Variants in DTNB observed in about 807,000 individuals in gnomAD.
DTNB encodes dystrobrevin beta.
A neutral mutation model predicts 90.7 loss-of-function variants in DTNB; 63 were observed. That is an observed-to-expected ratio of 0.69 (90% CI 0.57 to 0.86). DTNB has a LOEUF of 0.86. Among genes scored for constraint, DTNB ranks in the 40% least tolerant of loss-of-function variants. The probability of loss-of-function intolerance (pLI) is 0.00; values close to 1 mark genes in which losing one functional copy is unlikely to be tolerated. For missense variants in DTNB, 744 were observed against 807.1 expected (o/e 0.92, Z 0.95); for synonymous variants, 277 against 286.7 (o/e 0.97, Z 0.34).
At chr2:25,594,848 T>A (rs1178745111) in intron 6 of DTNB, 5 of 152,186 alleles carry the variant, frequency 3.3e-5, no homozygotes, top group African/African-American at 1.2e-4. Context: ...CGTACAAATA[T>A]CAAAATCAGG....
At chr2:25,484,095 A>C (rs2150397498) in intron 9 of DTNB, among the ~76,000 whole-genome samples, 1 of 152,268 alleles carries the variant, frequency 6.6e-6, no homozygotes, top group East Asian at 1.9e-4. Context: ...AGGCTACACC[A>C]TACGGCCTAG....
At chr2:25,520,649 T>C (rs1398369636) in intron 9 of DTNB, among the ~76,000 whole-genome samples, 2 of 152,194 alleles carry the variant, frequency 1.3e-5, no homozygotes, top group Non-Finnish European at 2.9e-5. Flanking sequence ...CATATTTGTG[T>C]TTTACCAAAA....
At chr2:25,538,386 C>CAA (rs1452541336) in intron 8 of DTNB, among the ~76,000 whole-genome samples, 4 of 152,148 alleles carry the variant, frequency 2.6e-5, no homozygotes, top group African/African-American at 4.8e-5. Flanking sequence ...GCCTAGGTGA[C>CAA]AGAGTGAGAC....
At chr2:25,665,164 A>G (rs2084122459) in intron 1 of DTNB, among the ~76,000 whole-genome samples, 1 of 152,232 alleles carries the variant, frequency 6.6e-6, no homozygotes, top group South Asian at 2.1e-4. Context: ...GTCTCTGTAC[A>G]TGCCTTTGTG....
rs553844080 is a variant in DTNB, at chr2:25,481,118, G to A, written c.1079+1678C>T. On this transcript the variant is annotated intron_variant, in intron 10 of 20. Transcript: ENST00000406818. ...TTAGAGATAAAAAATTGAAAACAAG[G>A]CCAGGTATGGTGGCTCGTGCCCGTA... Among the ~76,000 whole-genome samples, 3 of 152,172 alleles carry A rather than the reference G, an allele frequency of 2.0e-5. No homozygotes were observed. The East Asian group carries it at 5.8e-4, about 29-fold the overall frequency.
rs571352529 is a variant in DTNB at position 25,418,968 on chromosome 2, C to T, written c.1575+547G>A. 1.5e-4 allele frequency: 24 copies of T among 155,414 alleles called. No individual in the cohort carries two copies. In the South Asian group the frequency reaches 4.3e-3, roughly 28 times the overall value. The allele number at this position is 155,414 out of a possible 1,614,324, so 9.6% of individuals were successfully genotyped here. A position where few individuals can be genotyped will look rare whatever the true frequency, so the allele number is the denominator to read the frequency against. ...AATAGCCACACAGCTCAGAAAAACC[C>T]GAGCTCCGTCTGGAGTAGGTTCTGA... On this transcript the variant is annotated intron_variant, in intron 16 of 20. Transcript: ENST00000406818.
At chr2:25,671,933 A>C (rs1276141798) in intron 1 of DTNB, among the ~76,000 whole-genome samples, 1 of 152,182 alleles carries the variant, frequency 6.6e-6, no homozygotes, top group African/African-American at 2.4e-5. Context: ...ACAGCCTCGC[A>C]CTACAGGTCT....
At chr2:25,586,497 A>G (rs1460912199) in intron 6 of DTNB, among the ~76,000 whole-genome samples, 2 of 148,306 alleles carry the variant, frequency 1.3e-5, no homozygotes, top group Non-Finnish European at 3.0e-5. Context: ...GCGACAGAGC[A>G]TGACTCTGTC....
intron 2 of DTNB, among the ~76,000 whole-genome samples, chr2:25,646,309 C>T (rs2079431858): frequency 1.3e-5 from 2 of 151,834 alleles, no homozygotes; most frequent in Non-Finnish European, 2.9e-5. Flanking sequence ...AACCCCATCT[C>T]TACTAAAAAA....
At chr2:25,407,471 CAT>C (rs893955081) in intron 16 of DTNB, among the ~76,000 whole-genome samples, 1 of 152,192 alleles carries the variant, frequency 6.6e-6, no homozygotes, top group Non-Finnish European at 1.5e-5. Context: ...CACACGCACA[CAT>C]ATGTTTACTG....
chr2:25,482,904 T>C (rs764605554), intron 9 of DTNB, 31 bp from the exon 10 acceptor site: 1 of 1,574,538 alleles, frequency 6.4e-7, no homozygotes, highest in Non-Finnish European at 8.6e-7. Context: ...CTTATATTAA[T>C]AATGACCAAC....
intron 9 of DTNB, among the ~76,000 whole-genome samples, chr2:25,502,141 C>T (rs1330629682): frequency 1.3e-5 from 2 of 151,942 alleles, no homozygotes; most frequent in Admixed American, 6.6e-5. Flanking sequence ...GCCGTGATTG[C>T]ACCACTGCAC....
At chr2:25,511,551 C>T (rs535081766) in intron 9 of DTNB, among the ~76,000 whole-genome samples, 2 of 152,102 alleles carry the variant, frequency 1.3e-5, no homozygotes, top group African/African-American at 4.8e-5. Flanking sequence ...AGGCTGGTCT[C>T]GAACTCCTGA....
At chr2:25,567,013 G>A (rs1033255494) in intron 8 of DTNB, among the ~76,000 whole-genome samples, 1 of 152,234 alleles carries the variant, frequency 6.6e-6, no homozygotes, top group Non-Finnish European at 1.5e-5. Context: ...GAGACAGGGG[G>A]CATGGCAGAC....
intron 8 of DTNB, among the ~76,000 whole-genome samples, chr2:25,553,921 C>G (rs929494944): frequency 6.6e-6 from 1 of 151,924 alleles, no homozygotes; most frequent in Non-Finnish European, 1.5e-5. Flanking sequence ...TTGTGCTCAG[C>G]GGCAAATAGC....
chr2:25,520,143 G>C (rs2150784078), intron 9 of DTNB, among the ~76,000 whole-genome samples: 1 of 152,290 alleles, frequency 6.6e-6, no homozygotes, highest in East Asian at 1.9e-4. Flanking sequence ...CAGCACTTTG[G>C]GAGACCGAGG....
chr2:25,639,376 ATT>A, intron 2 of DTNB: 1 of 262,818 alleles, frequency 3.8e-6, no homozygotes, highest in Non-Finnish European at 7.3e-6. Flanking sequence ...GTGAACTATG[ATT>A]AGGAAAGGGG....
intron 3 of DTNB, among the ~76,000 whole-genome samples, chr2:25,637,963 T>G (rs970427388): frequency 2.0e-5 from 3 of 152,178 alleles, no homozygotes; most frequent in African/African-American, 7.2e-5. Flanking sequence ...CCAACTCAAA[T>G]GCCCATCAAT....
chr2:25,566,799 G>A (rs547187933), intron 8 of DTNB, among the ~76,000 whole-genome samples: 1 of 152,336 alleles, frequency 6.6e-6, no homozygotes, highest in African/African-American at 2.4e-5. Context: ...GAGACAGGGG[G>A]TGGAAGAAAT....
Sources: allele counts gnomAD v4.1 joint callset (sites outside exome capture counted in the v4.1 genomes callset), GRCh38; gene constraint gnomAD v4.1.1; transcripts MANE v1.5; gene names NCBI Gene and HGNC (gene_info 2026-07-23, HGNC 2026-07-21).